Variants in EXTL3 observed in about 807,000 individuals in gnomAD.
EXTL3 encodes exostosin-like 3.
Under a neutral mutation model 69.3 loss-of-function variants are expected in EXTL3, and 27 were observed. The observed-to-expected ratio is 0.39, with a 90% CI of 0.29 to 0.54. The LOEUF (loss-of-function observed/expected upper bound fraction) is 0.54, where lower values mean the gene tolerates loss of function less well. Ranked by LOEUF, EXTL3 falls within the 20% of genes least tolerant of loss-of-function variation. The pLI is 0.69. For synonymous variants in EXTL3, 511 were observed against 499.4 expected (o/e 1.02, Z -0.31); for missense variants, 1,003 against 1,231.8 (o/e 0.81, Z 2.78).
At chr8:28,649,586 G>A (rs562646704) in intron 1 of EXTL3, among the ~76,000 whole-genome samples, 1 of 152,228 alleles carries the variant, frequency 6.6e-6, no homozygotes, top group African/African-American at 2.4e-5. Context: ...CTGATTGGTT[G>A]AAGTAGTTAT....
At chr8:28,658,920 A>G (rs1308945897) in intron 1 of EXTL3, among the ~76,000 whole-genome samples, 2 of 152,170 alleles carry the variant, frequency 1.3e-5, no homozygotes, top group African/African-American at 4.8e-5. Flanking sequence ...ATTCCATCGT[A>G]TGTATGTAGC....
At chr8:28,692,824 T>C (rs1337547395) in intron 1 of EXTL3, among the ~76,000 whole-genome samples, 5 of 152,200 alleles carry the variant, frequency 3.3e-5, no homozygotes, top group African/African-American at 1.2e-4. Context: ...TCTAGAGTCA[T>C]TGAGCTGTAT....
chr8:28,662,274 A>T (rs934674253), intron 1 of EXTL3, among the ~76,000 whole-genome samples: 1 of 151,988 alleles, frequency 6.6e-6, no homozygotes, highest in Non-Finnish European at 1.5e-5. Flanking sequence ...TTTTCCTCAC[A>T]TATATTTTTA....
chr8:28,702,168 G>T (rs1585260740), intron 1 of EXTL3, among the ~76,000 whole-genome samples: 1 of 151,348 alleles, frequency 6.6e-6, no homozygotes, highest in African/African-American at 2.4e-5. Context: ...TCTGCCCCCC[G>T]CTTCTACACG....
chr8:28,695,253 C>T lies in EXTL3; in HGVS notation c.-52-18204C>T, dbSNP rs554056342. On this transcript the variant is annotated intron_variant, in intron 1 of 6. Transcript: ENST00000523149. ...CAAGTGATTCTCTGCCTCAGCCTCC[C>T]GAGTAGCTGGGATTACAGGCACCCA... Among the ~76,000 whole-genome samples, 5 of 151,542 alleles carry T rather than the reference C, an allele frequency of 3.3e-5. No individual in the cohort carries two copies. The South Asian group carries it at 1.0e-3, about 32-fold the overall frequency.
At chr8:28,742,659 G>C in intron 5 of EXTL3, 1 of 310,290 alleles carries the variant, frequency 3.2e-6, no homozygotes, top group Non-Finnish European at 6.2e-6. Context: ...AGGCAGTGAG[G>C]GATCGTGTGT....
At chr8:28,676,301 A>G (rs1265438132) in intron 1 of EXTL3, among the ~76,000 whole-genome samples, 2 of 152,172 alleles carry the variant, frequency 1.3e-5, no homozygotes, top group African/African-American at 4.8e-5. Flanking sequence ...GCATCCTTGA[A>G]GAGCTCTGTG....
chr8:28,683,643 T>G (rs989255613), intron 1 of EXTL3, among the ~76,000 whole-genome samples: 3 of 152,214 alleles, frequency 2.0e-5, no homozygotes, highest in African/African-American at 7.2e-5. Flanking sequence ...TGAAACCCTG[T>G]CTCTACTAAA....
chr8:28,659,452 G>C (rs1471032720), intron 1 of EXTL3, among the ~76,000 whole-genome samples: 2 of 152,212 alleles, frequency 1.3e-5, no homozygotes, highest in Non-Finnish European at 2.9e-5. Context: ...TCTCACGCCT[G>C]ATTAGAGTTC....
chr8:28,670,120 G>A (rs1186014717), intron 1 of EXTL3, among the ~76,000 whole-genome samples: 1 of 149,372 alleles, frequency 6.7e-6, no homozygotes, highest in African/African-American at 2.5e-5. Flanking sequence ...GAGGCAGAAG[G>A]ATCGCTTGAG....
At chr8:28,677,525 C>A (rs937024411) in intron 1 of EXTL3, among the ~76,000 whole-genome samples, 17 of 152,166 alleles carry the variant, frequency 1.1e-4, no homozygotes, top group Admixed American at 1.1e-3. Context: ...AACGTATGAT[C>A]ATTATTGCAA....
chr8:28,683,384 G>A (rs1807523826), intron 1 of EXTL3, among the ~76,000 whole-genome samples: 1 of 152,100 alleles, frequency 6.6e-6, no homozygotes. Context: ...AATGAACAAA[G>A]GATATTTTTC....
intron 1 of EXTL3, among the ~76,000 whole-genome samples, chr8:28,650,420 CG>C (rs1195975511): frequency 2.0e-5 from 3 of 151,572 alleles, no homozygotes; most frequent in Non-Finnish European, 4.4e-5. Flanking sequence ...TGCAGTGGCG[CG>C]ATATCAGCTC....
intron 4 of EXTL3, among the ~76,000 whole-genome samples, chr8:28,732,009 C>T (rs1240158337): frequency 1.3e-5 from 2 of 152,132 alleles, no homozygotes; most frequent in Non-Finnish European, 2.9e-5. Flanking sequence ...TAGCTGTCTC[C>T]ATTTCATGTA....
At chr8:28,660,148 A>G (rs1807083482) in intron 1 of EXTL3, among the ~76,000 whole-genome samples, 1 of 152,224 alleles carries the variant, frequency 6.6e-6, no homozygotes, top group Admixed American at 6.5e-5. Flanking sequence ...AGATCGGTTG[A>G]GGCCAGGAGT....
intron 1 of EXTL3, among the ~76,000 whole-genome samples, chr8:28,640,858 T>C (rs1239816157): frequency 6.6e-6 from 1 of 152,206 alleles, no homozygotes; most frequent in Admixed American, 6.5e-5. Flanking sequence ...TGTCTCAGTC[T>C]CCCAAAGTGC....
chr8:28,704,994 A>C, intron 1 of EXTL3, among the ~76,000 whole-genome samples: 1 of 152,242 alleles, frequency 6.6e-6, no homozygotes, highest in Non-Finnish European at 1.5e-5. Context: ...ATAAAAGCAC[A>C]GTGGCTTCGA....
Position 28,717,471 on chromosome 8 carries a change from C to G in EXTL3, c.1412C>G (p.Pro471Arg). ...GTGCTGGGGGAGCAGGTCCAGCTTC[C>G]CTACCAGGACATGCTGCAGTGGAAC... Reference protein sequence around the residue: ...PVVLGEQVQLPYQDMLQWNEA... With the variant: ...PVVLGEQVQLRYQDMLQWNEA... Residue 471 changes from proline to arginine, a missense_variant, in exon 3 of 7, where the codon CCC becomes CGC. By Grantham distance (103) the Pro-to-Arg change is moderately radical (BLOSUM62 -2). Coordinates refer to ENST00000220562, the MANE Select transcript of EXTL3 (RefSeq NM_001440.4). The surrounding 1 kb of genome is among the most constrained non-coding windows in gnomAD (Gnocchi z 8.3). The G allele has an allele frequency of 6.2e-7, 1 of 1,614,218 alleles. No homozygotes were observed.
rs71222571 is a variant in EXTL3, at chr8:28,691,572, A to ATTTTTTTTTTTTTTTTTTTTTTTTTTTT, written c.-52-21873_-52-21872insTTTTTTTTTTTTTTTTTTTTTTTTTTTT. On this transcript the variant is annotated intron_variant, in intron 1 of 6. Transcript: ENST00000523149. ...TGGTAAATATTTATCAGTTTTTGTG[A>ATTTTTTTTTTTTTTTTTTTTTTTTTTTT]TTTTTTTTTTTTGCTATTGTGTTCC... Among the ~76,000 whole-genome samples, 29 of 135,464 alleles carry ATTTTTTTTTTTTTTTTTTTTTTTTTTTT rather than the reference A, an allele frequency of 2.1e-4. 4 individuals carry two copies. Among genetic ancestry groups the ATTTTTTTTTTTTTTTTTTTTTTTTTTTT allele is most frequent in the African/African-American group, 8.7e-4 (27 of 30,998 alleles). 88.9% of individuals were successfully genotyped at this position (135,464 alleles called of 152,430 possible). A position where few individuals can be genotyped will look rare whatever the true frequency, so the allele number is the denominator to read the frequency against.
Sources: allele counts gnomAD v4.1 joint callset (sites outside exome capture counted in the v4.1 genomes callset), GRCh38; gene constraint gnomAD v4.1.1; non-coding constraint Gnocchi (gnomAD v3.1); transcripts MANE v1.5; gene names NCBI Gene and HGNC (gene_info 2026-07-23, HGNC 2026-07-21).